ERGIC1: variants seen among roughly 807,000 people sequenced by gnomAD.
ERGIC1 encodes the protein endoplasmic reticulum-Golgi intermediate compartment protein 1.
ERGIC1 carries 19 observed loss-of-function variants against 38.3 expected under a neutral mutation model. The ratio of observed to expected loss-of-function variants is 0.50; its 90% CI spans 0.35 to 0.73. ERGIC1 has a LOEUF of 0.73. ERGIC1 is among the 30% of genes least tolerant of loss of function. The probability of loss-of-function intolerance (pLI) is 0.01; values close to 1 mark genes in which losing one functional copy is unlikely to be tolerated. For missense variants in ERGIC1, 294 were observed against 389.2 expected, an observed-to-expected ratio of 0.76 and a Z score of 2.06; for synonymous variants, 124 against 157.6, an observed-to-expected ratio of 0.79 and a Z score of 1.60.
intron 7 of ERGIC1, among the ~76,000 whole-genome samples, chr5:172,929,958 C>T (rs571792463): frequency 6.0e-4 from 92 of 152,180 alleles, no homozygotes; most frequent in African/African-American, 2.1e-3. Context: ...GAGGCCAAGT[C>T]GGGTGGATCA....
chr5:172,880,177 CA>C (rs1194651090), intron 1 of ERGIC1, among the ~76,000 whole-genome samples: 1 of 152,182 alleles, frequency 6.6e-6, no homozygotes, highest in African/African-American at 2.4e-5. Context: ...GCTGGGATTA[CA>C]GGCACCTGCC....
chr5:172,898,106 G>A (rs1269448592), intron 3 of ERGIC1: 3 of 389,442 alleles, frequency 7.7e-6, no homozygotes, highest in Non-Finnish European at 1.4e-5. Context: ...AAGTCATCAC[G>A]GAGCTCGGCC....
intron 1 of ERGIC1, among the ~76,000 whole-genome samples, chr5:172,879,637 A>G (rs1376084824): frequency 1.3e-5 from 2 of 152,200 alleles, no homozygotes; most frequent in South Asian, 2.1e-4. Context: ...AACACTGCCT[A>G]ACTCCAGATT....
At chr5:172,884,869 A>G (rs560938869) in intron 1 of ERGIC1, among the ~76,000 whole-genome samples, 4 of 152,164 alleles carry the variant, frequency 2.6e-5, no homozygotes, top group Non-Finnish European at 5.9e-5. Flanking sequence ...AAAATGATTA[A>G]TTCATACTGA....
chr5:172,950,602 T>A (rs1466605923), intron 9 of ERGIC1, 107 bp from the exon 10 acceptor site: 2 of 944,926 alleles, frequency 2.1e-6, no homozygotes, highest in African/African-American at 3.3e-5. Context: ...TAACGGGCAA[T>A]GTCTGCCTTG....
intron 1 of ERGIC1, among the ~76,000 whole-genome samples, chr5:172,877,752 G>A (rs375797288): frequency 5.9e-5 from 9 of 152,198 alleles, no homozygotes; most frequent in Admixed American, 2.6e-4. Context: ...ATGACCTCCC[G>A]TCATTTGCTA....
chr5:172,864,268 C>CT (rs60390189), intron 1 of ERGIC1, among the ~76,000 whole-genome samples: 2,096 of 71,172 alleles, frequency 0.029, 97 homozygotes, highest in African/African-American at 0.048. Context: ...ATTTTGTAGT[C>CT]TTTTTTTTTT....
intron 1 of ERGIC1, among the ~76,000 whole-genome samples, chr5:172,850,578 C>T (rs1259994920): frequency 1.3e-5 from 2 of 152,124 alleles, no homozygotes; most frequent in Admixed American, 6.6e-5. Context: ...AGTGCTCCCA[C>T]CCACTCGCTG....
At chr5:172,859,676 C>T (rs1383570740) in intron 1 of ERGIC1, among the ~76,000 whole-genome samples, 1 of 152,192 alleles carries the variant, frequency 6.6e-6, no homozygotes, top group East Asian at 1.9e-4. Flanking sequence ...CCTCCGTAGC[C>T]CTCACACCTC....
chr5:172,876,738 C>T (rs1209478840), intron 1 of ERGIC1, among the ~76,000 whole-genome samples: 2 of 152,146 alleles, frequency 1.3e-5, no homozygotes, highest in Non-Finnish European at 1.5e-5. Flanking sequence ...CTGTCCTTTC[C>T]GCTCTCCCTG....
chr5:172,887,511 G>A (rs573866468), intron 1 of ERGIC1, among the ~76,000 whole-genome samples: 2 of 152,342 alleles, frequency 1.3e-5, no homozygotes, highest in East Asian at 1.9e-4. Context: ...AACAGGCTCC[G>A]AGAGGTGAAG....
chr5:172,935,626 T>C lies in ERGIC1; in HGVS notation c.765+316T>C, dbSNP rs573579882. 32 of 276,704 alleles carry C rather than the reference T, an allele frequency of 1.2e-4. 1 individual carries two copies. In the South Asian group the frequency reaches 1.5e-3, roughly 13 times the overall value. 17.1% of individuals were successfully genotyped at this position (276,704 alleles called of 1,614,324 possible). ...GATTTTCTCCAGCTTTTTATTGTTA[T>C]GGAAATTATTCTTAGCAGAGTTTAT... is the stretch of plus-strand genomic sequence containing the variant. On this transcript the variant is annotated intron_variant, in intron 9 of 9. Coordinates refer to ENST00000393784, the MANE Select transcript of ERGIC1 (RefSeq NM_001031711.3).
At position 172,932,476 on chromosome 5, in the gene ERGIC1, G is replaced by A. The variant is rs1463045063; in HGVS notation, c.582G>A (p.Thr194=). 6.2e-6 allele frequency: 10 copies of A among 1,614,178 alleles called. No homozygotes were observed. Among genetic ancestry groups the A allele is most frequent in the East Asian group, 2.2e-5 (1 of 44,874 alleles). The change falls in exon 8 of 10, where the codon ACG becomes ACA. Residue 194 remains threonine (T), a synonymous_variant. Coordinates refer to ENST00000393784, the MANE Select transcript of ERGIC1 (RefSeq NM_001031711.3). ...ACTACATCCTGAAGATTGTGCCCAC[G>A]GTTTATGAGGACAAGAGTGGCAAGC... The part of the protein sequence containing the change: ...SHDYILKIVP[T]VYEDKSGKQR...
At chr5:172,896,695 C>T (rs1762730892) in intron 2 of ERGIC1, among the ~76,000 whole-genome samples, 1 of 152,224 alleles carries the variant, frequency 6.6e-6, no homozygotes, top group African/African-American at 2.4e-5. Context: ...TTGTGGGCCA[C>T]CGGTTTGCAG....
intron 1 of ERGIC1, among the ~76,000 whole-genome samples, chr5:172,855,543 G>A (rs1297262171): frequency 1.3e-5 from 2 of 152,200 alleles, no homozygotes; most frequent in Middle Eastern, 3.2e-3. Context: ...TGGACAGTTG[G>A]AGGATCAAGA....
Position 172,914,248 on chromosome 5 carries a change from A to ATAAAAT in ERGIC1, c.251-466_251-465insTAAAAT, listed in dbSNP as rs752157056. Among the ~76,000 whole-genome samples, 12 of 148,770 alleles carry ATAAAAT rather than the reference A, an allele frequency of 8.1e-5. No individual in the cohort carries two copies. The East Asian group carries it at 1.2e-3, about 15-fold the overall frequency. On this transcript the variant is annotated intron_variant, in intron 4 of 9. Transcript: ENST00000393784. ...AGACTCTGTCTCAAAAAAAAAAAAA[A>ATAAAAT]AAAAAAAAATACAAAGACTATCTGA...
At chr5:172,927,337 T>G (rs925072309) in intron 7 of ERGIC1, among the ~76,000 whole-genome samples, 3 of 152,174 alleles carry the variant, frequency 2.0e-5, no homozygotes, top group African/African-American at 7.2e-5. Context: ...TGCTCTCCCA[T>G]TGTCAGGGAT....
chr5:172,841,821 A>G (rs1238425703), intron 1 of ERGIC1, among the ~76,000 whole-genome samples: 2 of 152,206 alleles, frequency 1.3e-5, no homozygotes, highest in Non-Finnish European at 2.9e-5. Context: ...GACAGATACA[A>G]TGATTCATGA....
chr5:172,905,606 G>A (rs1429844885), intron 3 of ERGIC1: 2 of 355,272 alleles, frequency 5.6e-6, no homozygotes, highest in Admixed American at 3.2e-5. Context: ...CCTCTAGTCC[G>A]ATCAGGAGCG....
Sources: allele counts gnomAD v4.1 joint callset (sites outside exome capture counted in the v4.1 genomes callset), GRCh38; gene constraint gnomAD v4.1.1; transcripts MANE v1.5; gene names NCBI Gene and HGNC (gene_info 2026-07-23, HGNC 2026-07-21).